Variants in SERPINI1 observed in about 807,000 individuals in gnomAD.
SERPINI1 encodes the protein serpin family I member 1.
SERPINI1 carries 19 observed loss-of-function variants against 41.1 expected under a neutral mutation model. The ratio of observed to expected loss-of-function variants is 0.46; its 90% CI spans 0.32 to 0.68. The LOEUF (loss-of-function observed/expected upper bound fraction) is 0.68. Among genes scored for constraint, SERPINI1 ranks in the 30% least tolerant of loss-of-function variants. The pLI is 0.03. For synonymous variants in SERPINI1, 138 were observed against 156.6 expected, an observed-to-expected ratio of 0.88 and a Z score of 0.89; for missense variants, 460 against 479.2, an observed-to-expected ratio of 0.96 and a Z score of 0.37.
chr3:167,822,584 A>T (rs947377674), intron 6 of SERPINI1, among the ~76,000 whole-genome samples: 1 of 152,092 alleles, frequency 6.6e-6, no homozygotes, highest in Non-Finnish European at 1.5e-5. Flanking sequence ...AAAAAAGGAA[A>T]AAATTTTTTA....
intron 6 of SERPINI1, among the ~76,000 whole-genome samples, chr3:167,821,880 G>C (rs1040348870): frequency 6.6e-6 from 1 of 152,166 alleles, no homozygotes; most frequent in Non-Finnish European, 1.5e-5. Context: ...AAATCTTCAG[G>C]TAGAGACCTG....
In SERPINI1 at chr3:167,792,724, A is replaced by G; in HGVS notation, c.616A>G (p.Lys206Glu). ...PENTRTFSFTKDDESEVQIPM... is the reference protein window; with the variant it reads ...PENTRTFSFTEDDESEVQIPM... ...AAATACTAGAACCTTTTCTTTCACT[A>G]AAGATGATGAAAGTGAAGTCCAAAT... The change falls in exon 4 of 9, where the codon AAA becomes GAA. Residue 206 changes from lysine (K) to glutamate (E), a missense_variant. Coordinates refer to ENST00000446050, the MANE Select transcript of SERPINI1 (RefSeq NM_001122752.2). 2.5e-6 allele frequency: 4 copies of G among 1,613,824 alleles called. No individual in the cohort carries two copies. The highest frequency in any genetic ancestry group is 3.4e-6 in the Non-Finnish European group (4 of 1,179,844).
intron 1 of SERPINI1, among the ~76,000 whole-genome samples, chr3:167,737,691 T>C (rs1725523851): frequency 1.3e-5 from 2 of 152,182 alleles, no homozygotes; most frequent in African/African-American, 4.8e-5. Context: ...TCCGAGCCTT[T>C]ATTAAAAGAT....
intron 4 of SERPINI1, among the ~76,000 whole-genome samples, chr3:167,793,318 C>T (rs1727589870): frequency 6.6e-6 from 1 of 152,034 alleles, no homozygotes; most frequent in South Asian, 2.1e-4. Flanking sequence ...TTATTGGACT[C>T]TTCAGAAGTT....
At chr3:167,779,004 G>A (rs763231284) in intron 1 of SERPINI1, among the ~76,000 whole-genome samples, 3 of 152,212 alleles carry the variant, frequency 2.0e-5, no homozygotes, top group Non-Finnish European at 4.4e-5. Flanking sequence ...AGCACAGCCA[G>A]GTCAGTGCTA....
intron 5 of SERPINI1, among the ~76,000 whole-genome samples, chr3:167,802,002 C>T (rs1727914370): frequency 6.6e-6 from 1 of 151,996 alleles, no homozygotes; most frequent in African/African-American, 2.4e-5. Flanking sequence ...CTTTGACAAA[C>T]CTGAGAAAAA....
chr3:167,787,027 A>AT (rs1727339854), intron 1 of SERPINI1, among the ~76,000 whole-genome samples: 1 of 152,006 alleles, frequency 6.6e-6, no homozygotes, highest in Non-Finnish European at 1.5e-5. Context: ...TTTTTTTCTA[A>AT]TTTTCTACTT....
At chr3:167,821,369 C>T (rs994170511) in intron 6 of SERPINI1, among the ~76,000 whole-genome samples, 7 of 152,198 alleles carry the variant, frequency 4.6e-5, no homozygotes, top group African/African-American at 7.2e-5. Context: ...CTGCGGTTCC[C>T]GGTGTCTCCA....
At chr3:167,785,844 A>C (rs1727284796) in intron 1 of SERPINI1, among the ~76,000 whole-genome samples, 1 of 152,222 alleles carries the variant, frequency 6.6e-6, no homozygotes, top group Non-Finnish European at 1.5e-5. Flanking sequence ...AGTGGTTTCC[A>C]AATAGTTGTG....
intron 1 of SERPINI1, among the ~76,000 whole-genome samples, chr3:167,746,270 C>A (rs555663620): frequency 6.6e-6 from 1 of 152,110 alleles, no homozygotes; most frequent in South Asian, 2.1e-4. Flanking sequence ...ACACCATATA[C>A]AGAAGTGTTA....
intron 5 of SERPINI1, among the ~76,000 whole-genome samples, chr3:167,797,200 T>C (rs1037879786): frequency 6.6e-6 from 1 of 152,078 alleles, no homozygotes; most frequent in Non-Finnish European, 1.5e-5. Context: ...CTTTTTAATG[T>C]GATTGTTTAC....
intron 1 of SERPINI1, among the ~76,000 whole-genome samples, chr3:167,775,211 C>T (rs1726924351): frequency 6.8e-6 from 1 of 147,744 alleles, no homozygotes; most frequent in Admixed American, 6.8e-5. Context: ...CTTCAGGGTA[C>T]AACGAAGTGT....
intron 1 of SERPINI1, among the ~76,000 whole-genome samples, chr3:167,779,601 G>A (rs902016204): frequency 5.3e-5 from 8 of 152,070 alleles, no homozygotes; most frequent in Non-Finnish European, 1.0e-4. Flanking sequence ...GTATGTTTTC[G>A]ATAATACCTA....
intron 5 of SERPINI1, among the ~76,000 whole-genome samples, chr3:167,801,754 A>G (rs1727906290): frequency 6.6e-6 from 1 of 152,184 alleles, no homozygotes; most frequent in African/African-American, 2.4e-5. Flanking sequence ...ATTATCTTTT[A>G]TTAAGAGGAA....
chr3:167,763,336 T>G (rs551017725), intron 1 of SERPINI1, among the ~76,000 whole-genome samples: 67 of 151,912 alleles, frequency 4.4e-4, no homozygotes, highest in African/African-American at 1.6e-3. Context: ...ATGCCACCAC[T>G]GTCATATTTC....
intron 1 of SERPINI1, among the ~76,000 whole-genome samples, chr3:167,740,364 TGTAGA>T (rs1402589939): frequency 6.6e-6 from 1 of 152,196 alleles, no homozygotes; most frequent in Non-Finnish European, 1.5e-5. Flanking sequence ...CTGTGCCTTG[TGTAGA>T]GTAAACTTAG....
At chr3:167,747,654 C>T (rs1725902419) in intron 1 of SERPINI1, among the ~76,000 whole-genome samples, 1 of 152,006 alleles carries the variant, frequency 6.6e-6, no homozygotes, top group Non-Finnish European at 1.5e-5. Context: ...AAAACAACAA[C>T]AACAACAACA....
intron 1 of SERPINI1, among the ~76,000 whole-genome samples, chr3:167,754,483 G>T (rs9879527): frequency 0.22 from 32,663 of 151,834 alleles, 3,587 homozygotes; most frequent in African/African-American, 0.25. Flanking sequence ...TATTATCTGT[G>T]CTTTCTTTAG....
intron 5 of SERPINI1, among the ~76,000 whole-genome samples, chr3:167,803,774 C>A (rs1348689387): frequency 2.0e-5 from 3 of 152,278 alleles, no homozygotes; most frequent in Admixed American, 6.5e-5. Flanking sequence ...ATCAGGACAA[C>A]TGTAATACCA....
Sources: gnomAD v4.1 joint callset for allele counts (sites outside exome capture counted in the v4.1 genomes callset) on GRCh38, gnomAD v4.1.1 for gene constraint, MANE v1.5 for transcripts, NCBI Gene and HGNC (gene_info 2026-07-23, HGNC 2026-07-21) for gene names.